Variants in DNM3 observed in about 807,000 individuals in gnomAD.
The protein encoded by DNM3 is dynamin-3.
DNM3 carries 47 observed loss-of-function variants against 101.6 expected under a neutral mutation model. That is an observed-to-expected ratio of 0.46 (90% CI 0.37 to 0.59). DNM3 has a LOEUF of 0.59. DNM3 is among the 20% of genes least tolerant of loss of function. The probability of loss-of-function intolerance (pLI) is 0.00; values close to 1 mark genes in which losing one functional copy is unlikely to be tolerated. For synonymous variants in DNM3, 385 were observed against 387.9 expected (o/e 0.99, Z 0.09); for missense variants, 849 against 1,085.7 (o/e 0.78, Z 3.06).
chr1:172,019,810 T>G, intron 4 of DNM3, among the ~76,000 whole-genome samples: 1 of 152,180 alleles, frequency 6.6e-6, no homozygotes, highest in East Asian at 1.9e-4. Context: ...TCTCCAGCAT[T>G]TCTTTTTATT....
At chr1:172,050,607 T>C (rs1175545817) in intron 10 of DNM3, among the ~76,000 whole-genome samples, 3 of 152,168 alleles carry the variant, frequency 2.0e-5, no homozygotes, top group Non-Finnish European at 2.9e-5. Context: ...GGCAAGGTAA[T>C]GAAAAGAATG....
chr1:172,157,806 A>G (rs750151270), intron 14 of DNM3, among the ~76,000 whole-genome samples: 7 of 152,082 alleles, frequency 4.6e-5, no homozygotes, highest in Non-Finnish European at 1.0e-4. Flanking sequence ...GCCATTTTAT[A>G]TAAGGGACTT....
intron 14 of DNM3, among the ~76,000 whole-genome samples, chr1:172,170,260 A>G (rs1054595074): frequency 2.0e-5 from 3 of 151,886 alleles, no homozygotes; most frequent in African/African-American, 7.2e-5. Flanking sequence ...TAATATTCCC[A>G]TTTAGTAGAT....
chr1:172,018,262 TG>T (rs1382788649), intron 4 of DNM3, among the ~76,000 whole-genome samples: 1 of 152,172 alleles, frequency 6.6e-6, no homozygotes, highest in Non-Finnish European at 1.5e-5. Context: ...TTGTTGCCCT[TG>T]TTTTCTTTCC....
At chr1:172,100,824 T>C (rs1263987604) in intron 13 of DNM3, among the ~76,000 whole-genome samples, 1 of 152,216 alleles carries the variant, frequency 6.6e-6, no homozygotes, top group African/African-American at 2.4e-5. Context: ...TTGCTGTGGT[T>C]CTGTTCTTGC....
At chr1:172,201,937 C>T (rs2060168969) in intron 14 of DNM3, among the ~76,000 whole-genome samples, 1 of 152,166 alleles carries the variant, frequency 6.6e-6, no homozygotes, top group Non-Finnish European at 1.5e-5. Flanking sequence ...CTTGGATTTT[C>T]CTGTACCTGG....
chr1:172,062,742 C>A (rs1243182624), intron 10 of DNM3, among the ~76,000 whole-genome samples: 3 of 152,182 alleles, frequency 2.0e-5, no homozygotes, highest in South Asian at 4.1e-4. Flanking sequence ...TTCCCATTAA[C>A]CCCTGTACAA....
chr1:172,009,448 A>G (rs1462746495), intron 4 of DNM3, among the ~76,000 whole-genome samples: 2 of 151,452 alleles, frequency 1.3e-5, no homozygotes, highest in Admixed American at 6.6e-5. Context: ...GTACTATCCA[A>G]TATTCTAGCC....
At chr1:172,016,032 A>G (rs2047429105) in intron 4 of DNM3, among the ~76,000 whole-genome samples, 1 of 151,760 alleles carries the variant, frequency 6.6e-6, no homozygotes, top group East Asian at 2.0e-4. Context: ...AAAAAAAAAA[A>G]AAAAATTAGC....
intron 13 of DNM3, among the ~76,000 whole-genome samples, chr1:172,118,881 A>T (rs16843860): frequency 6.6e-6 from 1 of 151,960 alleles, no homozygotes; most frequent in South Asian, 2.1e-4. Context: ...CCCTCTGTCC[A>T]GAGATTAAAG....
intron 1 of DNM3, among the ~76,000 whole-genome samples, chr1:171,898,765 ATAG>A (rs752544537): frequency 2.8e-4 from 42 of 151,962 alleles, no homozygotes; most frequent in Non-Finnish European, 4.7e-4. Context: ...TTTTCACTTA[ATAG>A]TAGAGAGTGA....
At chr1:172,026,263 G>A (rs2048193695) in intron 4 of DNM3, among the ~76,000 whole-genome samples, 1 of 152,090 alleles carries the variant, frequency 6.6e-6, no homozygotes, top group Non-Finnish European at 1.5e-5. Context: ...AGAGAAAAAA[G>A]AATGCAAAGG....
intron 17 of DNM3, among the ~76,000 whole-genome samples, chr1:172,355,776 G>C (rs983147450): frequency 6.6e-6 from 1 of 152,244 alleles, no homozygotes; most frequent in South Asian, 2.1e-4. Flanking sequence ...GGACACGAAG[G>C]ACAGGCTGTG....
At chr1:172,075,688 C>T (rs2052593144) in intron 11 of DNM3, among the ~76,000 whole-genome samples, 1 of 152,234 alleles carries the variant, frequency 6.6e-6, no homozygotes, top group East Asian at 1.9e-4. Flanking sequence ...GGTTTTGGTA[C>T]CAGTACCATG....
chr1:171,854,899 G>A (rs919319326), intron 1 of DNM3, among the ~76,000 whole-genome samples: 1 of 151,980 alleles, frequency 6.6e-6, no homozygotes, highest in Non-Finnish European at 1.5e-5. Flanking sequence ...TATTATTTTA[G>A]GTTCAGGGGC....
chr1:172,265,713 T>C (rs1328453671), intron 15 of DNM3, among the ~76,000 whole-genome samples: 1 of 152,206 alleles, frequency 6.6e-6, no homozygotes, highest in East Asian at 1.9e-4. Flanking sequence ...GTCTAGATAA[T>C]GGCCTCACTG....
chr1:171,946,793 G>A (rs1051607272), intron 2 of DNM3, among the ~76,000 whole-genome samples: 3 of 152,184 alleles, frequency 2.0e-5, no homozygotes, highest in Non-Finnish European at 2.9e-5. Flanking sequence ...AGCATGTGCA[G>A]AACATATGTC....
chr1:172,275,005 C>A (rs1222490614), intron 15 of DNM3, among the ~76,000 whole-genome samples: 1 of 152,038 alleles, frequency 6.6e-6, no homozygotes, highest in Non-Finnish European at 1.5e-5. Context: ...TGAAGCAATG[C>A]TCTGTTATTG....
intron 15 of DNM3, among the ~76,000 whole-genome samples, chr1:172,260,537 T>C (rs796671440): frequency 4.3e-4 from 65 of 152,184 alleles, no homozygotes; most frequent in African/African-American, 1.5e-3. Context: ...TATTTTTGTG[T>C]GACTGGGTTA....
Sources: gnomAD v4.1 joint callset for allele counts (sites outside exome capture counted in the v4.1 genomes callset) on GRCh38, gnomAD v4.1.1 for gene constraint, MANE v1.5 for transcripts, NCBI Gene and HGNC (gene_info 2026-07-23, HGNC 2026-07-21) for gene names.